Variants in CDH19 observed in about 807,000 individuals in gnomAD.
The protein encoded by CDH19 is cadherin-19.
CDH19 carries 67 observed loss-of-function variants against 64.2 expected under a neutral mutation model. That is an observed-to-expected ratio of 1.04 (90% CI 0.86 to 1.28). The LOEUF (loss-of-function observed/expected upper bound fraction) is 1.28. Ranked by LOEUF, CDH19 falls within the 50% of genes most tolerant of loss-of-function variation. The pLI, the probability that CDH19 is intolerant of heterozygous loss-of-function variation, is 0.00. For synonymous variants in CDH19, 346 were observed against 319.3 expected, an observed-to-expected ratio of 1.08 and a Z score of -0.89; for missense variants, 1,030 against 929.0, an observed-to-expected ratio of 1.11 and a Z score of -1.41.
At chr18:66,564,186 G>A (rs1027877473) in intron 3 of CDH19, among the ~76,000 whole-genome samples, 1 of 151,746 alleles carries the variant, frequency 6.6e-6, no homozygotes, top group Non-Finnish European at 1.5e-5. Context: ...ATGACATATT[G>A]TACCATATTG....
At chr18:66,563,147 T>G (rs562522508) in intron 3 of CDH19, among the ~76,000 whole-genome samples, 1 of 152,220 alleles carries the variant, frequency 6.6e-6, no homozygotes, top group South Asian at 2.1e-4. Flanking sequence ...TTAGATATTA[T>G]GTAAGCAATA....
chr18:66,566,191 A>T (rs541542865), intron 3 of CDH19, among the ~76,000 whole-genome samples: 2 of 151,976 alleles, frequency 1.3e-5, no homozygotes, highest in East Asian at 3.9e-4. Flanking sequence ...CTGACAAAAT[A>T]GAAACGTTTA....
At chr18:66,600,200 G>C (rs1989003989) in intron 1 of CDH19, among the ~76,000 whole-genome samples, 1 of 151,670 alleles carries the variant, frequency 6.6e-6, no homozygotes. Flanking sequence ...TAAATTATGT[G>C]GACTCTGAAC....
chr18:66,577,774 G>A (rs1988309141), intron 1 of CDH19, among the ~76,000 whole-genome samples: 2 of 151,858 alleles, frequency 1.3e-5, no homozygotes, highest in Non-Finnish European at 2.9e-5. Context: ...TTCTATAGGT[G>A]AGATGTTTAA....
chr18:66,592,976 C>T (rs1988785633), intron 1 of CDH19, among the ~76,000 whole-genome samples: 1 of 151,732 alleles, frequency 6.6e-6, no homozygotes, highest in Admixed American at 6.6e-5. Flanking sequence ...TTGGAGAAAC[C>T]TTCATACTGT....
chr18:66,587,020 C>G (rs1054895866), intron 1 of CDH19, among the ~76,000 whole-genome samples: 1 of 151,958 alleles, frequency 6.6e-6, no homozygotes, highest in Non-Finnish European at 1.5e-5. Flanking sequence ...CTTAGAAGCA[C>G]CTGCATTACC....
chr18:66,593,754 A>G (rs950056084), intron 1 of CDH19, among the ~76,000 whole-genome samples: 3 of 152,122 alleles, frequency 2.0e-5, no homozygotes, highest in African/African-American at 7.2e-5. Context: ...AAAAATTAAT[A>G]ATTTGCTGTA....
At chr18:66,555,245 G>A (rs1324285472) in intron 3 of CDH19, among the ~76,000 whole-genome samples, 1 of 151,696 alleles carries the variant, frequency 6.6e-6, no homozygotes, top group African/African-American at 2.4e-5. Context: ...TGTAAACATG[G>A]AATTGAATGT....
intron 1 of CDH19, among the ~76,000 whole-genome samples, chr18:66,586,831 T>C (rs1988593177): frequency 6.6e-6 from 1 of 152,218 alleles, no homozygotes; most frequent in African/African-American, 2.4e-5. Flanking sequence ...AATCCCCTTC[T>C]TGAATTGTTG....
At chr18:66,545,888 C>T (rs1405658377) in intron 5 of CDH19, among the ~76,000 whole-genome samples, 2 of 151,158 alleles carry the variant, frequency 1.3e-5, no homozygotes, top group Admixed American at 1.3e-4. Context: ...TTGATTTGGT[C>T]CTAAGAAATA....
At chr18:66,518,840 T>A (rs534402779) in intron 9 of CDH19, among the ~76,000 whole-genome samples, 1 of 151,062 alleles carries the variant, frequency 6.6e-6, no homozygotes, top group Non-Finnish European at 1.5e-5. Context: ...CTTACATTAT[T>A]TCATTTTATT....
chr18:66,556,807 T>C lies in CDH19; in HGVS notation c.491-2283A>G, dbSNP rs150089686. On this transcript the variant is annotated intron_variant, in intron 3 of 11. Transcript: ENST00000262150. Reference sequence around the variant, plus strand: ...CACAAATAAATGGCCAATGGTTATATGAATGGGTTCTCAACATCACTAATC... The same window carrying C: ...CACAAATAAATGGCCAATGGTTATACGAATGGGTTCTCAACATCACTAATC... Among the ~76,000 whole-genome samples, 892 of 152,080 alleles carry C rather than the reference T, an allele frequency of 5.9e-3. 9 individuals carry two copies. Among genetic ancestry groups the C allele is most frequent in the African/African-American group, 0.02 (841 of 41,540 alleles).
In CDH19 at chr18:66,578,312, C is replaced by T. The variant is rs138654543; in HGVS notation, c.-112-5996G>A. On this transcript the variant is annotated intron_variant, in intron 1 of 11. Transcript: ENST00000262150. ...AGATTCATCACAATTTTTTTAAATA[C>T]GCAAAATATTTAAAGAGACATATCA... is the stretch of plus-strand genomic sequence containing the variant. Among the ~76,000 whole-genome samples the T allele has an allele frequency of 1.6e-3, 250 of 151,798 alleles. 1 individual carries two copies. Among genetic ancestry groups the T allele is most frequent in the African/African-American group, 5.4e-3 (224 of 41,446 alleles).
rs746952304 is a variant in CDH19, at chr18:66,572,118, CTTTG to C, written c.83_86del (p.Thr28ArgfsTer11). On this transcript the variant is annotated frameshift_variant, in exon 2 of 12. Transcript: ENST00000262150. LOFTEE classifies it high-confidence loss of function. ...GAGATCGCACTGGCTGCTTGACTTT[CTTTG>C]TTTGAGAGTTTTCTGTTGCTCCAAG... 8.1e-5 allele frequency: 131 copies of C among 1,611,662 alleles called. 1 individual carries two copies. Among genetic ancestry groups the C allele is most frequent in the South Asian group, 2.9e-4 (26 of 91,020 alleles).
At chr18:66,602,382 G>C (rs554941534) in intron 1 of CDH19, among the ~76,000 whole-genome samples, 1 of 151,850 alleles carries the variant, frequency 6.6e-6, no homozygotes, top group Non-Finnish European at 1.5e-5. Context: ...GATGGATCTG[G>C]TTTCTTAATA....
chr18:66,571,889 G>C (rs1285866780), intron 2 of CDH19, 121 bp downstream of exon 2: 1 of 651,608 alleles, frequency 1.5e-6, no homozygotes, highest in Non-Finnish European at 2.5e-6. Context: ...TGATGCTGCT[G>C]TTTGAAGCTT....
chr18:66,563,743 G>C (rs1018765894), intron 3 of CDH19, among the ~76,000 whole-genome samples: 11 of 151,938 alleles, frequency 7.2e-5, no homozygotes, highest in Non-Finnish European at 1.5e-4. Flanking sequence ...AAGTCTCGAA[G>C]TGAAACTCAG....
Position 66,513,683 on chromosome 18 carries a change from T to G in CDH19, c.1459-1998A>C, listed in dbSNP as rs539841942. ...TTCTATATGTTGTATTGGTTGCTAT[T>G]TACTTATATCTCTTTATCTGGGAAC... is the stretch of plus-strand genomic sequence containing the variant. On this transcript the variant is annotated intron_variant, in intron 9 of 11. Transcript: ENST00000262150. Among the ~76,000 whole-genome samples, 7 of 151,594 alleles carry G rather than the reference T, an allele frequency of 4.6e-5. No homozygotes were observed. The South Asian group carries it at 6.2e-4, about 13-fold the overall frequency.
At chr18:66,561,967 A>T (rs2144549460) in intron 3 of CDH19, among the ~76,000 whole-genome samples, 1 of 152,170 alleles carries the variant, frequency 6.6e-6, no homozygotes. Context: ...AACTTTTCAT[A>T]GCAAAAGGTC....
Sources: gnomAD v4.1 joint callset for allele counts (sites outside exome capture counted in the v4.1 genomes callset) on GRCh38, gnomAD v4.1.1 for gene constraint, MANE v1.5 for transcripts, NCBI Gene and HGNC (gene_info 2026-07-23, HGNC 2026-07-21) for gene names.